The following CNTNAP2 variants were observed in gnomAD, a reference collection of about 807,000 sequenced individuals.
CNTNAP2 encodes contactin associated protein 2.
Under a neutral mutation model 155.2 loss-of-function variants are expected in CNTNAP2, and 98 were observed. That is an observed-to-expected ratio of 0.63 (90% confidence interval 0.54 to 0.75). CNTNAP2 has a LOEUF of 0.75. Among genes scored for constraint, CNTNAP2 ranks in the 30% least tolerant of loss-of-function variants. The pLI is 0.00. For missense variants in CNTNAP2, 1,727 were observed against 1,688.1 expected, an observed-to-expected ratio of 1.02 and a Z score of -0.40; for synonymous variants, 651 against 631.2, an observed-to-expected ratio of 1.03 and a Z score of -0.47.
In CNTNAP2 at chr7:147,814,530, G is replaced by A. The variant is rs560933375; in HGVS notation, c.2099-89035G>A. Reference sequence around the variant, plus strand: ...TCTCTCTGTGGAAAACAGCTTAAGAGGCACATTATTCAATTAAAGAAAGTA... The same window carrying A: ...TCTCTCTGTGGAAAACAGCTTAAGAAGCACATTATTCAATTAAAGAAAGTA... On this transcript the variant is annotated intron_variant, in intron 13 of 23. Coordinates refer to ENST00000361727, the MANE Select transcript of CNTNAP2 (RefSeq NM_014141.6). 2.5e-4 allele frequency among the ~76,000 whole-genome samples: 38 copies of A among 152,200 alleles called. No homozygotes were observed. In the South Asian group the frequency reaches 7.3e-3, roughly 29 times the overall value.
chr7:146,447,757 A>C (rs1796422740), intron 1 of CNTNAP2, among the ~76,000 whole-genome samples: 1 of 151,970 alleles, frequency 6.6e-6, no homozygotes, highest in South Asian at 2.1e-4. Context: ...GAAATCTGTT[A>C]CAGTTAATAA....
chr7:147,338,261 G>A (rs183529014), intron 9 of CNTNAP2, among the ~76,000 whole-genome samples: 2 of 152,190 alleles, frequency 1.3e-5, no homozygotes, highest in East Asian at 1.9e-4. Context: ...TCACTATCAC[G>A]AGAACAGCAT....
At chr7:147,523,272 C>G (rs545413968) in intron 11 of CNTNAP2, among the ~76,000 whole-genome samples, 2 of 152,130 alleles carry the variant, frequency 1.3e-5, no homozygotes, top group South Asian at 4.1e-4. Context: ...CACATGGCAT[C>G]CCGGTTCACC....
chr7:148,183,135 T>A (rs1031358208), intron 18 of CNTNAP2, among the ~76,000 whole-genome samples: 6 of 152,154 alleles, frequency 3.9e-5, no homozygotes, highest in African/African-American at 1.4e-4. Context: ...AAGGACAGGA[T>A]GAATAAGACT....
chr7:148,073,521 C>T (rs1232119953), intron 15 of CNTNAP2, among the ~76,000 whole-genome samples: 3 of 152,186 alleles, frequency 2.0e-5, no homozygotes, highest in African/African-American at 7.2e-5. Context: ...TCCTGAGTCA[C>T]TTAGTAGACT....
intron 18 of CNTNAP2, among the ~76,000 whole-genome samples, chr7:148,178,851 T>C (rs965072044): frequency 1.3e-5 from 2 of 152,268 alleles, no homozygotes; most frequent in Non-Finnish European, 2.9e-5. Flanking sequence ...TTTTTGTTTT[T>C]ACTTAATTCA....
At chr7:146,164,183 T>C (rs1798276130) in intron 1 of CNTNAP2, among the ~76,000 whole-genome samples, 1 of 152,140 alleles carries the variant, frequency 6.6e-6, no homozygotes, top group Admixed American at 6.5e-5. Context: ...AACTTTCTCT[T>C]TTTAAGGTTT....
At chr7:148,283,926 T>C (rs1024134222) in intron 21 of CNTNAP2, among the ~76,000 whole-genome samples, 1 of 152,214 alleles carries the variant, frequency 6.6e-6, no homozygotes, top group Non-Finnish European at 1.5e-5. Flanking sequence ...TGATAAAATG[T>C]TATGACCAGA....
intron 1 of CNTNAP2, among the ~76,000 whole-genome samples, chr7:146,267,524 A>G (rs1246169996): frequency 6.6e-6 from 1 of 152,174 alleles, no homozygotes; most frequent in East Asian, 1.9e-4. Flanking sequence ...CCCCAAGGTG[A>G]TGATAATAGG....
intron 10 of CNTNAP2, among the ~76,000 whole-genome samples, chr7:147,470,154 C>G (rs1450089963): frequency 6.6e-6 from 1 of 152,174 alleles, no homozygotes; most frequent in African/African-American, 2.4e-5. Context: ...AAAGGATCAG[C>G]CTGGTTGCTA....
chr7:147,972,815 C>T (rs960966484), intron 14 of CNTNAP2, among the ~76,000 whole-genome samples: 1 of 152,068 alleles, frequency 6.6e-6, no homozygotes, highest in Non-Finnish European at 1.5e-5. Context: ...AACAAAGGCT[C>T]GTTTTGCTTG....
At chr7:147,058,459 G>A (rs948645284) in intron 4 of CNTNAP2, among the ~76,000 whole-genome samples, 2 of 151,906 alleles carry the variant, frequency 1.3e-5, no homozygotes, top group Admixed American at 6.6e-5. Context: ...TTGTTTTCAC[G>A]CACTCTATTC....
At chr7:148,112,043 C>T (rs1804363826) in intron 15 of CNTNAP2, among the ~76,000 whole-genome samples, 1 of 152,114 alleles carries the variant, frequency 6.6e-6, no homozygotes, top group African/African-American at 2.4e-5. Flanking sequence ...CCTGAGAAGA[C>T]CCCGTCCAGG....
intron 14 of CNTNAP2, among the ~76,000 whole-genome samples, chr7:147,935,289 G>A (rs988437235): frequency 9.2e-5 from 14 of 151,974 alleles, no homozygotes; most frequent in Admixed American, 2.6e-4. Flanking sequence ...ACCACACCTG[G>A]CTAATTTTTG....
intron 1 of CNTNAP2, among the ~76,000 whole-genome samples, chr7:146,671,678 G>T (rs1449158044): frequency 6.6e-6 from 1 of 151,910 alleles, no homozygotes; most frequent in Non-Finnish European, 1.5e-5. Context: ...ACAGCCTTCA[G>T]GACAATGCCT....
chr7:147,229,967 C>T (rs1417530085), intron 8 of CNTNAP2, among the ~76,000 whole-genome samples: 2 of 152,060 alleles, frequency 1.3e-5, no homozygotes, highest in Non-Finnish European at 2.9e-5. Flanking sequence ...ATAGTTGAAA[C>T]TTACTATACA....
intron 1 of CNTNAP2, among the ~76,000 whole-genome samples, chr7:146,668,537 C>G (rs889760740): frequency 6.6e-6 from 1 of 151,586 alleles, no homozygotes; most frequent in African/African-American, 2.4e-5. Context: ...AGAATTCCCT[C>G]GGCTTCAATT....
chr7:147,529,172 C>T (rs1377680796), intron 11 of CNTNAP2, among the ~76,000 whole-genome samples: 1 of 152,170 alleles, frequency 6.6e-6, no homozygotes, highest in African/African-American at 2.4e-5. Context: ...AAAAATGACA[C>T]TGGACAATTT....
chr7:147,957,517 A>G (rs1801037850), intron 14 of CNTNAP2, among the ~76,000 whole-genome samples: 1 of 152,166 alleles, frequency 6.6e-6, no homozygotes, highest in Non-Finnish European at 1.5e-5. Context: ...GGGTATCACC[A>G]GGGGAGTAGG....
Sources: gnomAD v4.1 joint callset for allele counts (sites outside exome capture counted in the v4.1 genomes callset) on GRCh38, gnomAD v4.1.1 for gene constraint, MANE v1.5 for transcripts, NCBI Gene and HGNC (gene_info 2026-07-23, HGNC 2026-07-21) for gene names.